The following SUCO variants were observed in gnomAD, a reference collection of about 807,000 sequenced individuals.
SUCO encodes the protein SUN domain-containing ossification factor.
In SUCO, 57 loss-of-function variants were observed where a neutral mutation model predicts 148.1. The observed-to-expected ratio is 0.38, with a 90% confidence interval of 0.31 to 0.48. The LOEUF is 0.48. SUCO is among the 20% of genes least tolerant of loss of function. The pLI, the probability that SUCO is intolerant of heterozygous loss-of-function variation, is 0.96. For synonymous variants in SUCO, 470 were observed against 502.7 expected (o/e 0.93, Z 0.87); for missense variants, 1,331 against 1,468.2 (o/e 0.91, Z 1.53).
chr1:172,555,831 C>G, intron 3 of SUCO, 38 bp from the exon 4 acceptor site: 1 of 1,528,712 alleles, frequency 6.5e-7, no homozygotes, highest in Non-Finnish European at 8.9e-7. Context: ...TTATATTAAT[C>G]TCAACATTTA....
Position 172,579,273 on chromosome 1 carries a change from TATTTTGAGG to T in SUCO, c.1498+12_1498+20del. 4 of 1,564,100 alleles carry T rather than the reference TATTTTGAGG, an allele frequency of 2.6e-6. No homozygotes were observed. The highest frequency in any genetic ancestry group is 3.5e-6 in the Non-Finnish European group (4 of 1,137,750). The stretch of plus-strand genomic sequence containing the variant: ...TCTTCTTGGTTCTGCTACAAGTGAG[TATTTTGAGG>T]ATTTTCTATTCATTCTACTACTTTT... On this transcript the variant is annotated splice_region_variant and intron_variant, in intron 15 of 23. Coordinates refer to ENST00000263688, the MANE Select transcript of SUCO (RefSeq NM_014283.5).
At chr1:172,578,466 A>G (rs1655626751) in intron 14 of SUCO, 77 bp downstream of exon 14, 1 of 1,463,072 alleles carries the variant, frequency 6.8e-7, no homozygotes, top group East Asian at 2.4e-5. Context: ...GGGGGAGTAT[A>G]GCTTACTTAA....
chr1:172,593,421 T>C (rs955274088), intron 19 of SUCO, among the ~76,000 whole-genome samples: 1 of 152,232 alleles, frequency 6.6e-6, no homozygotes, highest in African/African-American at 2.4e-5. Context: ...TTGTCATAAA[T>C]AGCTCTTATT....
At position 172,606,658 on chromosome 1, in the gene SUCO, G is replaced by A. The variant is rs57408618; in HGVS notation, c.3266-2089G>A. ...TCTTCAGAGCTTTCATTTGTCATTA[G>A]TTAAAACTGAAATATTCTCCTCTTC... is the stretch of plus-strand genomic sequence containing the variant. On this transcript the variant is annotated intron_variant, in intron 22 of 23. Transcript: ENST00000263688. Among the ~76,000 whole-genome samples the A allele has an allele frequency of 4.2e-3, 634 of 151,738 alleles. 4 individuals are homozygous for A. The highest frequency in any genetic ancestry group is 0.018 in the South Asian group (86 of 4,820).
chr1:172,593,522 G>A (rs1009619937), intron 19 of SUCO, among the ~76,000 whole-genome samples: 10 of 152,256 alleles, frequency 6.6e-5, no homozygotes, highest in African/African-American at 1.9e-4. Context: ...TTCTGCATCT[G>A]TTGAGTTAAT....
At chr1:172,558,116 A>G (rs899320969) in intron 6 of SUCO, among the ~76,000 whole-genome samples, 5 of 152,234 alleles carry the variant, frequency 3.3e-5, no homozygotes, top group African/African-American at 1.2e-4. Flanking sequence ...ATCTAGAAGA[A>G]GGTATGACTA....
intron 16 of SUCO, among the ~76,000 whole-genome samples, chr1:172,585,461 A>G (rs10752994): frequency 0.71 from 108,273 of 152,014 alleles, 39,934 homozygotes; most frequent in African/African-American, 0.9. Flanking sequence ...TTAGAGAATG[A>G]CAGATGATAA....
At chr1:172,581,032 G>A (rs893979974) in intron 15 of SUCO, among the ~76,000 whole-genome samples, 6 of 152,084 alleles carry the variant, frequency 3.9e-5, no homozygotes, top group Admixed American at 3.3e-4. Context: ...CCCAGGAGGC[G>A]GAGGTTGCTG....
At chr1:172,605,231 A>G (rs1041799030) in intron 22 of SUCO, among the ~76,000 whole-genome samples, 2 of 151,894 alleles carry the variant, frequency 1.3e-5, no homozygotes, top group Non-Finnish European at 3.0e-5. Flanking sequence ...TTTGGGTCAT[A>G]TCCAAGAAAT....
chr1:172,600,091 T>C lies in SUCO; in HGVS notation c.2941T>C (p.Leu981=), dbSNP rs1252169618. The C allele has an allele frequency of 5.0e-6, 8 of 1,607,066 alleles. No individual in the cohort carries two copies. Among genetic ancestry groups the C allele is most frequent in the Non-Finnish European group, 6.8e-6 (8 of 1,178,626 alleles). The change falls in exon 20 of 24, where the codon TTG becomes CTG. Residue 981 remains leucine (L), a synonymous_variant. Coordinates refer to ENST00000263688, the MANE Select transcript of SUCO (RefSeq NM_014283.5). ...QDQRQTEAIQ[L]LQAQLTNMTQ... ...TCAGCGGCAAACTGAAGCCATCCAG[T>C]TGCTACAGGCACAGCTGACCAACAT...
At chr1:172,593,753 C>G (rs1656857406) in intron 19 of SUCO, among the ~76,000 whole-genome samples, 1 of 152,206 alleles carries the variant, frequency 6.6e-6, no homozygotes, top group Non-Finnish European at 1.5e-5. Context: ...TGTTGTGTCT[C>G]TGCCAGGCTT....
At chr1:172,583,109 A>T (rs1478916452) in intron 15 of SUCO, among the ~76,000 whole-genome samples, 1 of 152,160 alleles carries the variant, frequency 6.6e-6, no homozygotes, top group East Asian at 1.9e-4. Flanking sequence ...TAGGTGGGGC[A>T]TCATAAATAA....
rs1358680757 is a variant in SUCO at position 172,611,709 on chromosome 1, G to A, written c.*1450G>A. 6.6e-6 allele frequency: 1 copy of A among 152,626 alleles called. No homozygotes were observed. The highest frequency in any genetic ancestry group is 1.9e-4 in the East Asian group (1 of 5,198). The allele number at this position is 152,626 out of a possible 1,614,324, so 9.5% of individuals were successfully genotyped here. A position where few individuals can be genotyped will look rare whatever the true frequency, so the allele number is the denominator to read the frequency against. Reference sequence around the variant, plus strand: ...GAAAAGAGGTCCAGATGAGAGCAGAGATACAGTGAGAAATTATGTGATCTG... The same window carrying A: ...GAAAAGAGGTCCAGATGAGAGCAGAAATACAGTGAGAAATTATGTGATCTG... On this transcript the variant is annotated 3_prime_UTR_variant, in exon 24 of 24. Transcript: ENST00000263688.
At chr1:172,590,934 T>G (rs1281729886) in intron 18 of SUCO, 50 bp from the exon 19 acceptor site, 1 of 1,309,630 alleles carries the variant, frequency 7.6e-7, no homozygotes, top group Non-Finnish European at 1.1e-6. Context: ...CATTACTAAG[T>G]GGAATAAGTA....
At chr1:172,564,236 C>T (rs1315145409) in intron 6 of SUCO, among the ~76,000 whole-genome samples, 2 of 152,264 alleles carry the variant, frequency 1.3e-5, no homozygotes, top group African/African-American at 4.8e-5. Flanking sequence ...CACTGGAGCA[C>T]TGCCTAATGG....
chr1:172,590,604 C>G (rs549513110), intron 18 of SUCO, among the ~76,000 whole-genome samples: 33 of 152,206 alleles, frequency 2.2e-4, no homozygotes, highest in African/African-American at 6.5e-4. Context: ...ACCACCTTTT[C>G]TTACATCTCT....
chr1:172,541,835 G>T (rs148307649), intron 1 of SUCO: 2 of 983,042 alleles, frequency 2.0e-6, no homozygotes, highest in East Asian at 1.1e-4. Flanking sequence ...ACATTCTAGG[G>T]CCTAAAATTA....
At chr1:172,532,572 T>C (rs546542811), upstream of SUCO, 4 of 1,613,896 alleles carry the variant, frequency 2.5e-6, no homozygotes, top group African/African-American at 1.3e-5. Context: ...GCAGCTTCCC[T>C]CACAACACAC....
At chr1:172,597,010 A>G (rs1156895049) in intron 19 of SUCO, among the ~76,000 whole-genome samples, 2 of 152,158 alleles carry the variant, frequency 1.3e-5, no homozygotes, top group African/African-American at 4.8e-5. Context: ...CCCTAGCCTC[A>G]CTGCTGCCTT....
Sources: gnomAD v4.1 joint callset for allele counts (sites outside exome capture counted in the v4.1 genomes callset) on GRCh38, gnomAD v4.1.1 for gene constraint, MANE v1.5 for transcripts, NCBI Gene and HGNC (gene_info 2026-07-23, HGNC 2026-07-21) for gene names.